Variants in OR3A2 observed in about 807,000 individuals in gnomAD.
OR3A2 encodes the protein olfactory receptor 3A2.
For missense variants in OR3A2, 318 were observed against 392.8 expected, an observed-to-expected ratio of 0.81 and a Z score of 1.61; for synonymous variants, 126 against 159.3, an observed-to-expected ratio of 0.79 and a Z score of 1.57.
At chr17:3,285,080 A>G (rs371790644), upstream of OR3A2, among the ~76,000 whole-genome samples, 949 of 152,116 alleles carry the variant, frequency 6.2e-3, 7 homozygotes, top group Non-Finnish European at 9.6e-3. Context: ...GATGAGCCCT[A>G]TGATGCTAGC....
intron 3 of OR3A2, among the ~76,000 whole-genome samples, chr17:3,307,951 C>T (rs1340834712): frequency 6.6e-6 from 1 of 152,204 alleles, no homozygotes; most frequent in African/African-American, 2.4e-5. Flanking sequence ...AATCTCAACA[C>T]CGTCCCCAAC....
intron 2 of OR3A2, among the ~76,000 whole-genome samples, chr17:3,364,298 A>C (rs577823615): frequency 6.1e-4 from 93 of 152,318 alleles, no homozygotes; most frequent in African/African-American, 1.9e-3. Context: ...GGAATGATCA[A>C]ATCAGGCTAG....
intron 2 of OR3A2, among the ~76,000 whole-genome samples, chr17:3,369,159 T>A (rs997833658): frequency 2.0e-5 from 3 of 152,160 alleles, no homozygotes; most frequent in Admixed American, 6.5e-5. Flanking sequence ...GGTTTTCTAG[T>A]TATACAATAA....
At chr17:3,384,598 G>A (rs1597368045) in intron 1 of OR3A2, among the ~76,000 whole-genome samples, 1 of 152,048 alleles carries the variant, frequency 6.6e-6, no homozygotes, top group African/African-American at 2.4e-5. Context: ...CTTGGTTCAT[G>A]AAATTAATAA....
intron 3 of OR3A2, among the ~76,000 whole-genome samples, chr17:3,318,872 C>A (rs1046498126): frequency 1.3e-5 from 2 of 152,196 alleles, no homozygotes; most frequent in South Asian, 2.1e-4. Context: ...TAACCCTAAC[C>A]AACCCTAAGT....
chr17:3,381,994 A>G (rs1422929713), intron 2 of OR3A2, among the ~76,000 whole-genome samples: 1 of 152,210 alleles, frequency 6.6e-6, no homozygotes, highest in Non-Finnish European at 1.5e-5. Flanking sequence ...ACTTTATACC[A>G]GCAAATGAGG....
intron 2 of OR3A2, among the ~76,000 whole-genome samples, chr17:3,368,041 G>A (rs1441570489): frequency 2.0e-5 from 3 of 152,052 alleles, no homozygotes; most frequent in African/African-American, 7.2e-5. Context: ...TATATCTTTT[G>A]AGAATTGTCT....
chr17:3,338,463 G>A (rs2049289998), intron 2 of OR3A2, among the ~76,000 whole-genome samples: 1 of 152,074 alleles, frequency 6.6e-6, no homozygotes. Flanking sequence ...GTGTAAGGAA[G>A]GGATCCAGTT....
intron 3 of OR3A2, among the ~76,000 whole-genome samples, chr17:3,302,207 T>G (rs1416379584): frequency 6.6e-6 from 1 of 152,174 alleles, no homozygotes; most frequent in Non-Finnish European, 1.5e-5. Flanking sequence ...CCCATCAAGC[T>G]ACCAATGACT....
At chr17:3,363,288 G>A (rs1422978135) in intron 2 of OR3A2, among the ~76,000 whole-genome samples, 2 of 151,732 alleles carry the variant, frequency 1.3e-5, no homozygotes, top group Admixed American at 6.6e-5. Context: ...CAGCTAGGTC[G>A]CATCTTGAAT....
intron 3 of OR3A2, among the ~76,000 whole-genome samples, chr17:3,309,372 T>A (rs546668093): frequency 6.6e-6 from 1 of 151,786 alleles, no homozygotes; most frequent in South Asian, 2.1e-4. Context: ...GACAGAAGAG[T>A]GAAAAGCTCA....
chr17:3,338,376 G>C (rs2049289043), intron 2 of OR3A2, among the ~76,000 whole-genome samples: 1 of 152,120 alleles, frequency 6.6e-6, no homozygotes, highest in Non-Finnish European at 1.5e-5. Flanking sequence ...TATTGCCTAG[G>C]TTTTCTTCTA....
intron 2 of OR3A2, among the ~76,000 whole-genome samples, chr17:3,367,362 C>T (rs1237268227): frequency 6.6e-6 from 1 of 151,790 alleles, no homozygotes; most frequent in Non-Finnish European, 1.5e-5. Context: ...CCTCATACCC[C>T]TCCCACCCTT....
intron 3 of OR3A2, among the ~76,000 whole-genome samples, chr17:3,324,045 C>G (rs906896202): frequency 1.3e-5 from 2 of 152,072 alleles, no homozygotes; most frequent in African/African-American, 2.4e-5. Flanking sequence ...TTCTTGGAGG[C>G]TTTGTTCATT....
intron 3 of OR3A2, among the ~76,000 whole-genome samples, chr17:3,318,679 C>T (rs2049095438): frequency 6.6e-6 from 1 of 152,206 alleles, no homozygotes; most frequent in South Asian, 2.1e-4. Flanking sequence ...AACCCTCTAT[C>T]TTCACCCTTT....
At chr17:3,377,695 G>C (rs376437667) in intron 2 of OR3A2, 1 of 152,272 alleles carries the variant, frequency 6.6e-6, no homozygotes, top group African/African-American at 2.4e-5. Context: ...GGGAAAAGAA[G>C]ACTCTGAGGA....
chr17:3,361,618 A>G (rs999055007), intron 2 of OR3A2, among the ~76,000 whole-genome samples: 3 of 151,714 alleles, frequency 2.0e-5, no homozygotes, highest in African/African-American at 7.3e-5. Context: ...GAGAGTTTTT[A>G]GCATGAAAGG....
At chr17:3,385,960 G>A (rs2049773618) in intron 1 of OR3A2, 165 bp downstream of exon 1, 3 of 397,280 alleles carry the variant, frequency 7.6e-6, no homozygotes, top group African/African-American at 2.1e-5. Flanking sequence ...ATCTGCCCCC[G>A]TGTTCCTCCT....
intron 3 of OR3A2, among the ~76,000 whole-genome samples, chr17:3,325,994 T>C (rs979076493): frequency 6.6e-6 from 1 of 152,064 alleles, no homozygotes; most frequent in Non-Finnish European, 1.5e-5. Context: ...AATGTGTCCA[T>C]GTGCTCTCAT....
Sources: gnomAD v4.1 joint callset for allele counts (sites outside exome capture counted in the v4.1 genomes callset) on GRCh38, gnomAD v4.1.1 for gene constraint, MANE v1.5 for transcripts, NCBI Gene and HGNC (gene_info 2026-07-23, HGNC 2026-07-21) for gene names.